Variants in COL25A1 observed in about 807,000 individuals in gnomAD.
COL25A1 encodes collagen alpha-1(XXV) chain.
A neutral mutation model predicts 128.4 loss-of-function variants in COL25A1; 103 were observed. The ratio of observed to expected loss-of-function variants is 0.80; its 90% CI spans 0.68 to 0.94. COL25A1 has a LOEUF of 0.94. COL25A1 is among the 40% of genes least tolerant of loss of function. The pLI, the probability that COL25A1 is intolerant of heterozygous loss-of-function variation, is 0.00. For missense variants in COL25A1, 745 were observed against 840.0 expected (o/e 0.89, Z 1.40); for synonymous variants, 279 against 277.2 (o/e 1.01, Z -0.06).
intron 3 of COL25A1, among the ~76,000 whole-genome samples, chr4:109,071,366 C>T (rs1762959925): frequency 6.6e-6 from 1 of 151,980 alleles, no homozygotes; most frequent in African/African-American, 2.4e-5. Context: ...CTAGGCAATA[C>T]CATTCAGGAC....
At chr4:108,954,876 T>C (rs1295032282) in intron 8 of COL25A1, among the ~76,000 whole-genome samples, 3 of 151,900 alleles carry the variant, frequency 2.0e-5, no homozygotes, top group African/African-American at 7.2e-5. Flanking sequence ...AGGAAAAAAC[T>C]TTCTCTGATA....
chr4:108,960,913 T>A (rs1039028932), intron 8 of COL25A1, among the ~76,000 whole-genome samples: 15 of 148,630 alleles, frequency 1.0e-4, no homozygotes, highest in Non-Finnish European at 1.9e-4. Context: ...TTAAGAATGA[T>A]TTCCTTGCAT....
In COL25A1 at chr4:108,848,823, T is replaced by C. The variant is rs765942559; in HGVS notation, c.1390-20A>G. 2 of 1,598,832 alleles carry C rather than the reference T, an allele frequency of 1.3e-6. No homozygotes were observed. The highest frequency in any genetic ancestry group is 1.1e-5 in the South Asian group (1 of 90,604). On this transcript the variant is annotated intron_variant, in intron 26 of 37. Transcript: ENST00000399132. ...CTCTCCCTATTAAGATAAAAATAGA[T>C]GACTTGCCTCCATTCTCATTGGTAA...
intron 3 of COL25A1, among the ~76,000 whole-genome samples, chr4:109,056,467 A>G (rs1761454646): frequency 6.6e-6 from 1 of 152,144 alleles, no homozygotes; most frequent in African/African-American, 2.4e-5. Flanking sequence ...AAAATATGAA[A>G]TATTTAATTT....
At chr4:108,879,588 C>T (rs1739868565) in intron 19 of COL25A1, among the ~76,000 whole-genome samples, 1 of 151,966 alleles carries the variant, frequency 6.6e-6, no homozygotes, top group South Asian at 2.1e-4. Flanking sequence ...ACTGGGACTA[C>T]AGGCATGCGC....
rs972534081 is a variant in COL25A1, at chr4:108,879,848, G to A, written c.1020+4330C>T. Among the ~76,000 whole-genome samples the A allele has an allele frequency of 5.3e-5, 8 of 151,704 alleles. No homozygotes were observed. The South Asian group carries it at 6.3e-4, about 12-fold the overall frequency. ...TTTTGAGATGGAGTCTTGCTCCATC[G>A]CCCAGGCTGGAGCGCAGTGGCATGA... is the stretch of plus-strand genomic sequence containing the variant. On this transcript the variant is annotated intron_variant, in intron 19 of 37. Transcript: ENST00000399132.
intron 3 of COL25A1, among the ~76,000 whole-genome samples, chr4:109,157,302 G>A (rs1772125090): frequency 1.3e-5 from 2 of 152,112 alleles, no homozygotes; most frequent in South Asian, 4.1e-4. Flanking sequence ...AAAAATTTGA[G>A]TTAAGACAAC....
intron 3 of COL25A1, among the ~76,000 whole-genome samples, chr4:109,264,569 A>G (rs1781668245): frequency 6.6e-6 from 1 of 152,210 alleles, no homozygotes; most frequent in African/African-American, 2.4e-5. Context: ...GTGCCAGGGA[A>G]GTCAAGAATA....
At chr4:108,928,988 G>A (rs968019269) in intron 11 of COL25A1, among the ~76,000 whole-genome samples, 3 of 152,160 alleles carry the variant, frequency 2.0e-5, no homozygotes, top group Non-Finnish European at 4.4e-5. Flanking sequence ...TGTAACCTTG[G>A]CTGTTTCCTT....
At chr4:109,183,495 T>C (rs902569107) in intron 3 of COL25A1, among the ~76,000 whole-genome samples, 1 of 152,214 alleles carries the variant, frequency 6.6e-6, no homozygotes, top group Non-Finnish European at 1.5e-5. Context: ...TTATCTGTGC[T>C]TTTCTCTTTC....
intron 3 of COL25A1, among the ~76,000 whole-genome samples, chr4:109,137,228 G>T (rs929669522): frequency 6.6e-6 from 1 of 152,150 alleles, no homozygotes; most frequent in African/African-American, 2.4e-5. Flanking sequence ...CAGAAAGAAA[G>T]ATGAAATGTT....
chr4:109,179,870 A>G (rs1342882511), intron 3 of COL25A1, among the ~76,000 whole-genome samples: 1 of 152,236 alleles, frequency 6.6e-6, no homozygotes, highest in Non-Finnish European at 1.5e-5. Context: ...TATGAAATCA[A>G]TAGGGATTTT....
intron 3 of COL25A1, among the ~76,000 whole-genome samples, chr4:109,149,636 A>C (rs1294611582): frequency 6.6e-6 from 1 of 152,246 alleles, no homozygotes; most frequent in Non-Finnish European, 1.5e-5. Flanking sequence ...TACAAAACAC[A>C]ACAAATCAGA....
intron 5 of COL25A1, among the ~76,000 whole-genome samples, chr4:109,043,008 T>C (rs1195683181): frequency 2.6e-5 from 4 of 152,080 alleles, no homozygotes; most frequent in Admixed American, 1.3e-4. Context: ...AAACATCTTA[T>C]AGAAATATGG....
chr4:109,001,000 T>C (rs1427314013), intron 6 of COL25A1, among the ~76,000 whole-genome samples: 3 of 151,942 alleles, frequency 2.0e-5, no homozygotes, highest in East Asian at 1.9e-4. Context: ...ATGGTTTGAT[T>C]TGGTTTGGTG....
At chr4:109,223,854 C>T (rs1438499354) in intron 3 of COL25A1, among the ~76,000 whole-genome samples, 2 of 152,148 alleles carry the variant, frequency 1.3e-5, no homozygotes, top group African/African-American at 2.4e-5. Flanking sequence ...GCATAGCATA[C>T]AAACTAGTGT....
At chr4:109,046,970 T>C (rs1278112430) in intron 5 of COL25A1, among the ~76,000 whole-genome samples, 2 of 152,138 alleles carry the variant, frequency 1.3e-5, no homozygotes, top group African/African-American at 4.8e-5. Flanking sequence ...AGCTCAGAGC[T>C]GACAAGATAA....
chr4:108,857,797 A>G (rs1736700168), intron 24 of COL25A1, among the ~76,000 whole-genome samples: 1 of 152,144 alleles, frequency 6.6e-6, no homozygotes, highest in Admixed American at 6.6e-5. Context: ...TCAACCAATA[A>G]CCATTTACTT....
At chr4:109,034,836 G>A (rs1308878381) in intron 5 of COL25A1, among the ~76,000 whole-genome samples, 1 of 152,066 alleles carries the variant, frequency 6.6e-6, no homozygotes, top group Non-Finnish European at 1.5e-5. Context: ...TCTTATAAAT[G>A]CCAAATATTA....
Sources: allele counts gnomAD v4.1 joint callset (sites outside exome capture counted in the v4.1 genomes callset), GRCh38; gene constraint gnomAD v4.1.1; transcripts MANE v1.5; gene names NCBI Gene and HGNC (gene_info 2026-07-23, HGNC 2026-07-21).